ALPK2: variants seen among roughly 807,000 people sequenced by gnomAD.
ALPK2 encodes alpha-protein kinase 2.
A neutral mutation model predicts 163.1 loss-of-function variants in ALPK2; 127 were observed. The ratio of observed to expected loss-of-function variants is 0.78; its 90% CI spans 0.67 to 0.90. The LOEUF (loss-of-function observed/expected upper bound fraction) is 0.90, where lower values mean the gene tolerates loss of function less well. ALPK2 is among the 40% of genes least tolerant of loss of function. The pLI is 0.00. For missense variants in ALPK2, 2,360 were observed against 2,589.6 expected (o/e 0.91, Z 1.92); for synonymous variants, 953 against 959.1 (o/e 0.99, Z 0.12).
At chr18:58,495,344 C>T (rs1490612844) in intron 12 of ALPK2, among the ~76,000 whole-genome samples, 2 of 152,184 alleles carry the variant, frequency 1.3e-5, no homozygotes, top group African/African-American at 4.8e-5. Flanking sequence ...ATCTCCTCCT[C>T]TCCCAGCTCC....
At chr18:58,610,108 T>C (rs946841819) in intron 2 of ALPK2, among the ~76,000 whole-genome samples, 5 of 151,870 alleles carry the variant, frequency 3.3e-5, no homozygotes, top group Admixed American at 6.6e-5. Flanking sequence ...AACCCCATTC[T>C]ACTAAAAATA....
At chr18:58,496,138 A>G (rs951115334) in intron 12 of ALPK2, among the ~76,000 whole-genome samples, 4 of 152,194 alleles carry the variant, frequency 2.6e-5, no homozygotes, top group Admixed American at 2.0e-4. Context: ...GGAAACTGCA[A>G]TAGACGTTCA....
At chr18:58,549,105 T>C (rs955723722) in intron 4 of ALPK2, among the ~76,000 whole-genome samples, 5 of 152,246 alleles carry the variant, frequency 3.3e-5, no homozygotes, top group African/African-American at 4.8e-5. Context: ...CGAAGCTTTA[T>C]GTTCTCTTTT....
intron 10 of ALPK2, chr18:58,512,320 G>A (rs1413953020): frequency 6.6e-6 from 1 of 152,274 alleles, no homozygotes; most frequent in Admixed American, 6.5e-5. Flanking sequence ...CATTTGCATA[G>A]ACAATGTGAC....
chr18:58,528,307 G>A (rs1380927072), intron 6 of ALPK2, among the ~76,000 whole-genome samples: 1 of 152,178 alleles, frequency 6.6e-6, no homozygotes, highest in African/African-American at 2.4e-5. Context: ...TGAGGCAGGT[G>A]GATCACTTGA....
At chr18:58,588,215 G>C (rs1402148767) in intron 3 of ALPK2, among the ~76,000 whole-genome samples, 1 of 152,104 alleles carries the variant, frequency 6.6e-6, no homozygotes, top group African/African-American at 2.4e-5. Context: ...GATGCATCAA[G>C]GGCATTATTA....
At chr18:58,487,614 G>T (rs1328908070) in intron 12 of ALPK2, among the ~76,000 whole-genome samples, 1 of 152,004 alleles carries the variant, frequency 6.6e-6, no homozygotes, top group Non-Finnish European at 1.5e-5. Context: ...TTTACTAAAT[G>T]GGTCTTTTTG....
chr18:58,621,756 T>C (rs1202736024), intron 1 of ALPK2, among the ~76,000 whole-genome samples: 1 of 152,218 alleles, frequency 6.6e-6, no homozygotes, highest in African/African-American at 2.4e-5. Flanking sequence ...ATAGTCTTTG[T>C]ATATCTTTCT....
chr18:58,552,414 C>T (rs1051785655), intron 4 of ALPK2, among the ~76,000 whole-genome samples: 16 of 152,130 alleles, frequency 1.1e-4, no homozygotes, highest in African/African-American at 3.9e-4. Flanking sequence ...CAGAATAACA[C>T]CCCAGCTGGG....
intron 4 of ALPK2, among the ~76,000 whole-genome samples, chr18:58,542,005 A>C (rs2051692274): frequency 6.6e-6 from 1 of 152,232 alleles, no homozygotes; most frequent in Admixed American, 6.5e-5. Context: ...TTCTCAGCAT[A>C]GAATGAGTGC....
chr18:58,546,776 T>C (rs556380784), intron 4 of ALPK2, among the ~76,000 whole-genome samples: 1 of 152,196 alleles, frequency 6.6e-6, no homozygotes, highest in South Asian at 2.1e-4. Flanking sequence ...GCATAGATGA[T>C]GGGAGATTTC....
intron 4 of ALPK2, among the ~76,000 whole-genome samples, chr18:58,559,874 AC>A (rs2051816809): frequency 6.6e-6 from 1 of 152,202 alleles, no homozygotes; most frequent in Admixed American, 6.5e-5. Context: ...TTTTGAAATT[AC>A]CTACTCTGTC....
chr18:58,529,537 A>G (rs1356871661), intron 5 of ALPK2, among the ~76,000 whole-genome samples: 3 of 152,346 alleles, frequency 2.0e-5, no homozygotes, highest in Non-Finnish European at 4.4e-5. Flanking sequence ...GGAGGATTTT[A>G]GATATCTATT....
intron 12 of ALPK2, among the ~76,000 whole-genome samples, chr18:58,491,440 A>T (rs931391999): frequency 6.6e-5 from 10 of 152,208 alleles, no homozygotes; most frequent in African/African-American, 1.9e-4. Flanking sequence ...TAGGGATGAC[A>T]TCACAATTGT....
chr18:58,536,160 C>T lies in ALPK2; in HGVS notation c.4027G>A (p.Val1343Met), dbSNP rs1457432605. The change falls in exon 5 of 13, where the codon GTG becomes ATG. Residue 1343 changes from valine to methionine, a missense_variant. Val to Met is a conservative substitution (Grantham distance 21). Coordinates refer to ENST00000361673, the MANE Select transcript of ALPK2 (RefSeq NM_052947.4). ...AACTCCTTTTCATCTACAGGGTCCA[C>T]GGATGACTCCAGGAGTCTGGGTTGG... ...FSQPRLLESS[V>M]DPVDEKELSV... is the part of the protein sequence containing the mutation. 11 of 1,614,132 alleles carry T rather than the reference C, an allele frequency of 6.8e-6. No homozygotes were observed. Among genetic ancestry groups the T allele is most frequent in the East Asian group, 4.5e-5 (2 of 44,876 alleles).
chr18:58,622,809 C>T (rs1407667603), intron 1 of ALPK2, among the ~76,000 whole-genome samples: 1 of 152,160 alleles, frequency 6.6e-6, no homozygotes, highest in African/African-American at 2.4e-5. Flanking sequence ...CTTATGTTCC[C>T]ACCCTCACTC....
rs75846264 is a variant in ALPK2, at chr18:58,551,800, T to C, written c.1963-13576A>G. 8.6e-3 allele frequency among the ~76,000 whole-genome samples: 1,309 copies of C among 152,326 alleles called. 25 individuals are homozygous for C. The highest frequency in any genetic ancestry group is 0.03 in the African/African-American group (1,248 of 41,576). ...AATCTGTCCAGAGAGTGGAATTCAG[T>C]GCAGCCAAGTCTATTCCTTGTCACC... On this transcript the variant is annotated intron_variant, in intron 4 of 12. Coordinates refer to ENST00000361673, the MANE Select transcript of ALPK2 (RefSeq NM_052947.4).
chr18:58,607,300 C>T (rs1168663649), intron 3 of ALPK2, 22 bp downstream of exon 3: 2 of 1,532,004 alleles, frequency 1.3e-6, no homozygotes, highest in East Asian at 2.3e-5. Flanking sequence ...AGTAAACAGT[C>T]CACAGGGGTA....
At chr18:58,625,511 C>A (rs2052225103) in intron 1 of ALPK2, among the ~76,000 whole-genome samples, 1 of 152,250 alleles carries the variant, frequency 6.6e-6, no homozygotes, top group African/African-American at 2.4e-5. Flanking sequence ...GGAAGAAATG[C>A]AAATTCTTGG....
Sources: allele counts gnomAD v4.1 joint callset (sites outside exome capture counted in the v4.1 genomes callset), GRCh38; gene constraint gnomAD v4.1.1; transcripts MANE v1.5; gene names NCBI Gene and HGNC (gene_info 2026-07-23, HGNC 2026-07-21).